RPS6KA1: variants seen among roughly 807,000 people sequenced by gnomAD.
RPS6KA1 encodes the protein ribosomal protein S6 kinase A1.
A neutral mutation model predicts 91.3 loss-of-function variants in RPS6KA1; 48 were observed. The observed-to-expected ratio is 0.53, with a 90% confidence interval of 0.42 to 0.67. The LOEUF (loss-of-function observed/expected upper bound fraction) is 0.67. RPS6KA1 is among the 30% of genes least tolerant of loss of function. The pLI, the probability that RPS6KA1 is intolerant of heterozygous loss-of-function variation, is 0.00. For synonymous variants in RPS6KA1, 359 were observed against 384.7 expected (o/e 0.93, Z 0.78); for missense variants, 719 against 960.5 (o/e 0.75, Z 3.32).
In RPS6KA1 at chr1:26,558,830, G is replaced by T; in HGVS notation, c.1108G>T (p.Ala370Ser). 1.2e-6 allele frequency: 2 copies of T among 1,612,462 alleles called. No individual in the cohort carries two copies. Among genetic ancestry groups the T allele is most frequent in the South Asian group, 1.1e-5 (1 of 91,012 alleles). The change falls in exon 14 of 22, where the codon GCT (alanine) becomes TCT (serine). Residue 370 changes from alanine to serine, a missense_variant. By Grantham distance (99) the Ala-to-Ser change is moderately conservative. Transcript: ENST00000374168. This position sits in a 1 kb window ranked among gnomAD's most constrained non-coding sequence, Gnocchi z 4.0. ...AGATTCCCCAGGCATCCCCCCCAGC[G>T]CTGGGGCCCATCAGCTGTTCCGGGG... ...PKDSPGIPPS[A>S]GAHQLFRGFS...
At chr1:26,545,795 C>G in intron 2 of RPS6KA1, 2 of 1,393,370 alleles carry the variant, frequency 1.4e-6, no homozygotes, top group African/African-American at 3.0e-5. Context: ...CTGGGCCAGG[C>G]CCAGCCCCCG....
At chr1:26,570,727 T>TA (rs1341179374) in intron 17 of RPS6KA1, among the ~76,000 whole-genome samples, 1 of 152,224 alleles carries the variant, frequency 6.6e-6, no homozygotes, top group Non-Finnish European at 1.5e-5. Context: ...TCAGGGAGCT[T>TA]ACATGCCGGT....
In RPS6KA1 at chr1:26,574,027, T is replaced by A. The variant is rs2076274070; in HGVS notation, c.2086-52T>A. On this transcript the variant is annotated intron_variant, in intron 21 of 21. Coordinates refer to ENST00000374168, the MANE Select transcript of RPS6KA1 (RefSeq NM_002953.4). This position sits in a 1 kb window ranked among gnomAD's most constrained non-coding sequence, Gnocchi z 4.3. ...GCCTACCCTTGGGGCATGGATCCCC[T>A]CCCCGCTACATCTCCCACCATTGTG... 1 of 1,587,638 alleles carries A rather than the reference T, an allele frequency of 6.3e-7. No homozygotes were observed.
intron 14 of RPS6KA1, among the ~76,000 whole-genome samples, chr1:26,559,846 C>G (rs1202088180): frequency 6.6e-6 from 1 of 152,130 alleles, no homozygotes. Context: ...AATCCCAGCA[C>G]TTTGGGAGGC....
chr1:26,561,542 A>G lies in RPS6KA1; in HGVS notation c.1469A>G (p.Glu490Gly). 1 of 1,614,062 alleles carries G rather than the reference A, an allele frequency of 6.2e-7. No individual in the cohort carries two copies. Among genetic ancestry groups the G allele is most frequent in the African/African-American group, 1.3e-5 (1 of 75,020 alleles). Residue 490 changes from glutamate (E) to glycine (G), a missense_variant, in exon 17 of 22, where the codon GAG becomes GGG. This residue lies in a region of RPS6KA1 where 249 missense variants were observed against 323.1 expected (regional missense o/e 0.77). Coordinates refer to ENST00000374168, the MANE Select transcript of RPS6KA1 (RefSeq NM_002953.4). The surrounding 1 kb of genome is among the most constrained non-coding windows in gnomAD (Gnocchi z 5.7). The stretch of plus-strand genomic sequence containing the variant: ...GGCAAACACGTGTACCTGGTGACAG[A>G]GCTGATGCGGGGTGGGGAGCTGCTG... ...DDGKHVYLVT[E>G]LMRGGELLDK...
chr1:26,572,368 C>G, intron 20 of RPS6KA1, 75 bp downstream of exon 20: 1 of 913,218 alleles, frequency 1.1e-6, no homozygotes, highest in Non-Finnish European at 1.8e-6. Context: ...TTCAGCAGTT[C>G]ATGAACAGCC....
Position 26,561,188 on chromosome 1 carries a change from T to G in RPS6KA1, c.1431+54T>G. ...GGGACCAGGAACTCAACTCTCAGGA[T>G]TTGTCTCAGGATTGCCATTCCTTTG... On this transcript the variant is annotated intron_variant, in intron 16 of 21. Coordinates refer to ENST00000374168, the MANE Select transcript of RPS6KA1 (RefSeq NM_002953.4). This position sits in a 1 kb window ranked among gnomAD's most constrained non-coding sequence, Gnocchi z 5.7. 6.7e-7 allele frequency: 1 copy of G among 1,490,580 alleles called. No homozygotes were observed. The highest frequency in any genetic ancestry group is 9.3e-7 in the Non-Finnish European group (1 of 1,070,114). The allele number at this position is 1,490,580 out of a possible 1,614,324, so 92.3% of individuals were successfully genotyped here.
At chr1:26,533,791 A>C (rs973818010) in intron 1 of RPS6KA1, among the ~76,000 whole-genome samples, 5 of 152,210 alleles carry the variant, frequency 3.3e-5, no homozygotes, top group Non-Finnish European at 5.9e-5. Flanking sequence ...TAGTGGCTGT[A>C]TCTTTGTGGC....
intron 2 of RPS6KA1, among the ~76,000 whole-genome samples, chr1:26,539,068 T>C (rs2075927280): frequency 6.6e-6 from 1 of 152,176 alleles, no homozygotes. Flanking sequence ...AGGAAAGCCA[T>C]GTGGTAGGCG....
At position 26,561,160 on chromosome 1, in the gene RPS6KA1, G is replaced by T. The variant is rs1162711337; in HGVS notation, c.1431+26G>T. 2.5e-6 allele frequency: 4 copies of T among 1,582,162 alleles called. No individual in the cohort carries two copies. In the Admixed American group the frequency reaches 6.7e-5, roughly 26 times the overall value. On this transcript the variant is annotated intron_variant, in intron 16 of 21. Coordinates refer to ENST00000374168, the MANE Select transcript of RPS6KA1 (RefSeq NM_002953.4). This position sits in a 1 kb window ranked among gnomAD's most constrained non-coding sequence, Gnocchi z 5.7. ...GTGAGTGGGGGTCCTTAAGACTGGG[G>T]TGGGGACCAGGAACTCAACTCTCAG...
intron 2 of RPS6KA1, chr1:26,543,050 G>C (rs2075960812): frequency 8.6e-7 from 1 of 1,159,534 alleles, no homozygotes; most frequent in Non-Finnish European, 1.2e-6. Flanking sequence ...CCTGCAGAGG[G>C]GGAAGTGAGA....
chr1:26,561,431 C>T lies in RPS6KA1; in HGVS notation c.1432-74C>T, dbSNP rs913747251. Reference sequence around the variant, plus strand: ...CCAAGGCTCATGTCATTCTTCCCTGCTCTGGGGCGCTGCTGACCAGGGGGC... The same window carrying T: ...CCAAGGCTCATGTCATTCTTCCCTGTTCTGGGGCGCTGCTGACCAGGGGGC... On this transcript the variant is annotated intron_variant, in intron 16 of 21. Coordinates refer to ENST00000374168, the MANE Select transcript of RPS6KA1 (RefSeq NM_002953.4). The surrounding 1 kb of genome is among the most constrained non-coding windows in gnomAD (Gnocchi z 5.7). 1.3e-6 allele frequency: 2 copies of T among 1,583,048 alleles called. No individual in the cohort carries two copies. The highest frequency in any genetic ancestry group is 3.3e-5 in the Admixed American group (2 of 59,736).
At chr1:26,538,609 G>A (rs2075924155) in intron 2 of RPS6KA1, among the ~76,000 whole-genome samples, 2 of 152,164 alleles carry the variant, frequency 1.3e-5, no homozygotes, top group Admixed American at 1.3e-4. Flanking sequence ...TTTGCATTTA[G>A]TTCTAACTAC....
chr1:26,551,598 C>A lies in RPS6KA1; in HGVS notation c.389-46C>A. The A allele has an allele frequency of 6.2e-7, 1 of 1,603,112 alleles. No individual in the cohort carries two copies. The highest frequency in any genetic ancestry group is 8.5e-7 in the Non-Finnish European group (1 of 1,169,950). Reference sequence around the variant, plus strand: ...GGGAGCCAGGGCCGGAGAAGCAGATCATAAGGCCGCGCCGACTCTACCATT... The same window carrying A: ...GGGAGCCAGGGCCGGAGAAGCAGATAATAAGGCCGCGCCGACTCTACCATT... On this transcript the variant is annotated intron_variant, in intron 5 of 21. Coordinates refer to ENST00000374168, the MANE Select transcript of RPS6KA1 (RefSeq NM_002953.4). This position sits in a 1 kb window ranked among gnomAD's most constrained non-coding sequence, Gnocchi z 4.5.
intron 17 of RPS6KA1, among the ~76,000 whole-genome samples, chr1:26,562,879 C>G (rs1169615668): frequency 7.2e-6 from 1 of 139,218 alleles, no homozygotes; most frequent in African/African-American, 2.7e-5. Flanking sequence ...TCCTGTCGCC[C>G]AGGCTGGAGT....
chr1:26,550,384 A>G (rs112854989), intron 4 of RPS6KA1, among the ~76,000 whole-genome samples: 17,794 of 150,720 alleles, frequency 0.12, 1,268 homozygotes, highest in Non-Finnish European at 0.16. Context: ...GGGTTTCACC[A>G]TGTTGGCCAG....
Position 26,572,293 on chromosome 1 carries a change from G to A in RPS6KA1, c.1947G>A (p.Lys649=). 6.2e-7 allele frequency: 1 copy of A among 1,608,374 alleles called. No homozygotes were observed. The highest frequency in any genetic ancestry group is 8.5e-7 in the Non-Finnish European group (1 of 1,174,798). ...GNWNTVSETA[K]DLVSKMLHVD... is the part of the protein sequence containing the mutation. Reference sequence around the variant, plus strand: ...GGAACACAGTTTCAGAGACAGCCAAGGTGAGTCTGTACGGCCTGCGTGGGC... The same window carrying A: ...GGAACACAGTTTCAGAGACAGCCAAAGTGAGTCTGTACGGCCTGCGTGGGC... Residue 649 remains lysine, a splice_region_variant and synonymous_variant, in exon 20 of 22, where the codon AAG becomes AAA. Coordinates refer to ENST00000374168, the MANE Select transcript of RPS6KA1 (RefSeq NM_002953.4).
intron 14 of RPS6KA1, 101 bp downstream of exon 14, chr1:26,559,038 A>T: frequency 7.0e-7 from 1 of 1,418,924 alleles, no homozygotes; most frequent in Non-Finnish European, 9.5e-7. Flanking sequence ...CCCTCATGCC[A>T]CTGTGGGACC....
chr1:26,561,836 T>A lies in RPS6KA1; in HGVS notation c.1590+173T>A, dbSNP rs2076156824. Among the ~76,000 whole-genome samples, 1 of 151,966 alleles carries A rather than the reference T, an allele frequency of 6.6e-6. No individual in the cohort carries two copies. Among genetic ancestry groups the A allele is most frequent in the African/African-American group, 2.4e-5 (1 of 41,340 alleles). ...GGAAGGAGGGAGAGATGTGGCCAAT[T>A]GTGAAAGGGAAGGTATGGAAAGTTA... On this transcript the variant is annotated intron_variant, in intron 17 of 21. Coordinates refer to ENST00000374168, the MANE Select transcript of RPS6KA1 (RefSeq NM_002953.4). This position sits in a 1 kb window ranked among gnomAD's most constrained non-coding sequence, Gnocchi z 5.7.
Sources: allele counts gnomAD v4.1 joint callset (sites outside exome capture counted in the v4.1 genomes callset), GRCh38; gene constraint gnomAD v4.1.1; regional missense constraint gnomAD v4.1.1; non-coding constraint Gnocchi (gnomAD v3.1); transcripts MANE v1.5; gene names NCBI Gene and HGNC (gene_info 2026-07-23, HGNC 2026-07-21).